AKT3: variants seen among roughly 807,000 people sequenced by gnomAD.
AKT3 encodes the protein AKT serine/threonine kinase 3, also known as RAC-gamma serine/threonine-protein kinase.
A neutral mutation model predicts 65.3 loss-of-function variants in AKT3; 15 were observed. That is an observed-to-expected ratio of 0.23 (90% CI 0.15 to 0.35). The LOEUF (loss-of-function observed/expected upper bound fraction) is 0.35. Among genes scored for constraint, AKT3 ranks in the 10% least tolerant of loss-of-function variants. The pLI is 1.00. For synonymous variants in AKT3, 206 were observed against 183.8 expected (o/e 1.12, Z -0.98); for missense variants, 243 against 576.5 (o/e 0.42, Z 5.92).
intron 2 of AKT3, among the ~76,000 whole-genome samples, chr1:243,809,984 A>AC (rs575844707): frequency 7.2e-5 from 11 of 152,164 alleles, no homozygotes; most frequent in African/African-American, 2.4e-4. Flanking sequence ...TTTGAAACCA[A>AC]GAGAACAAAG....
At chr1:243,607,987 C>T (rs1032715934) in intron 8 of AKT3, among the ~76,000 whole-genome samples, 1 of 152,180 alleles carries the variant, frequency 6.6e-6, no homozygotes, top group Admixed American at 6.5e-5. Flanking sequence ...TTCCTGAGGA[C>T]TCCCCAGCCC....
chr1:243,668,347 TAATAA>T (rs1682939923), intron 3 of AKT3, among the ~76,000 whole-genome samples: 1 of 152,114 alleles, frequency 6.6e-6, no homozygotes. Context: ...AATAGTTTAG[TAATAA>T]AATAAAAGAG....
chr1:243,495,716 A>T (rs1293916486), downstream of AKT3, among the ~76,000 whole-genome samples: 1 of 152,174 alleles, frequency 6.6e-6, no homozygotes. Context: ...GTCCTGCTCG[A>T]AGGCCGCGTT....
chr1:243,624,202 T>C (rs1678980373), intron 6 of AKT3, among the ~76,000 whole-genome samples: 2 of 152,082 alleles, frequency 1.3e-5, no homozygotes, highest in South Asian at 4.1e-4. Context: ...GGGTATACAG[T>C]CACCAATGGC....
At chr1:243,763,882 G>A (rs1354918002) in intron 2 of AKT3, among the ~76,000 whole-genome samples, 1 of 151,890 alleles carries the variant, frequency 6.6e-6, no homozygotes, top group African/African-American at 2.4e-5. Flanking sequence ...TAGTACTTTT[G>A]CTTTAATTTC....
At chr1:243,498,895 C>T (rs931498526), downstream of AKT3, among the ~76,000 whole-genome samples, 2 of 152,238 alleles carry the variant, frequency 1.3e-5, no homozygotes, top group East Asian at 1.9e-4. Flanking sequence ...ATTTATCTGA[C>T]GTAGAAACCG....
chr1:243,553,768 C>A (rs1431400254), intron 10 of AKT3, among the ~76,000 whole-genome samples: 1 of 152,118 alleles, frequency 6.6e-6, no homozygotes, highest in African/African-American at 2.4e-5. Context: ...AACATGGTAA[C>A]CTACCATTTG....
intron 12 of AKT3, among the ~76,000 whole-genome samples, chr1:243,532,521 G>T (rs1342681390): frequency 6.6e-6 from 1 of 152,138 alleles, no homozygotes; most frequent in Non-Finnish European, 1.5e-5. Context: ...TGGTTAAGGT[G>T]TACAATCCTT....
intron 2 of AKT3, among the ~76,000 whole-genome samples, chr1:243,699,011 T>C (rs985848695): frequency 6.6e-6 from 1 of 151,942 alleles, no homozygotes. Flanking sequence ...CACTTTCATC[T>C]CTAGCTCAGA....
intron 6 of AKT3, among the ~76,000 whole-genome samples, chr1:243,624,515 AATAACAAAC>A (rs1488244921): frequency 6.6e-6 from 1 of 152,210 alleles, no homozygotes; most frequent in Non-Finnish European, 1.5e-5. Context: ...AACTGCTTGG[AATAACAAAC>A]TCTTAAATCA....
intron 3 of AKT3, among the ~76,000 whole-genome samples, chr1:243,681,246 C>CAT (rs752529178): frequency 2.0e-5 from 3 of 152,088 alleles, no homozygotes; most frequent in African/African-American, 2.4e-5. Context: ...TATGTATGTA[C>CAT]ATATATATAT....
chr1:243,588,636 G>A (rs1675973776), intron 8 of AKT3, among the ~76,000 whole-genome samples: 1 of 152,132 alleles, frequency 6.6e-6, no homozygotes, highest in Admixed American at 6.5e-5. Flanking sequence ...ATACATAAGG[G>A]AGAAAGAACA....
intron 2 of AKT3, among the ~76,000 whole-genome samples, chr1:243,712,097 G>A (rs775113348): frequency 6.6e-6 from 1 of 152,110 alleles, no homozygotes; most frequent in African/African-American, 2.4e-5. Flanking sequence ...CATACTGCTC[G>A]CCTCCAAACT....
intron 1 of AKT3, among the ~76,000 whole-genome samples, chr1:243,849,097 G>A (rs985281411): frequency 3.3e-5 from 5 of 152,184 alleles, no homozygotes; most frequent in African/African-American, 9.7e-5. Flanking sequence ...CCGCCTCGGC[G>A]TCAGGGTCAA....
chr1:243,663,363 G>T (rs539199526), intron 4 of AKT3, among the ~76,000 whole-genome samples: 1 of 152,048 alleles, frequency 6.6e-6, no homozygotes, highest in Admixed American at 6.6e-5. Context: ...TATGGATTAT[G>T]GGTGGACATA....
intron 2 of AKT3, among the ~76,000 whole-genome samples, chr1:243,730,305 C>T (rs1035816701): frequency 6.6e-6 from 1 of 152,234 alleles, no homozygotes; most frequent in Non-Finnish European, 1.5e-5. Flanking sequence ...CTCCTCTCTG[C>T]TGAGCTGTTC....
chr1:243,590,462 C>T (rs989929984), intron 8 of AKT3, among the ~76,000 whole-genome samples: 2 of 151,560 alleles, frequency 1.3e-5, no homozygotes, highest in Non-Finnish European at 2.9e-5. Flanking sequence ...TCAACGTTTA[C>T]TAAACATGAC....
At chr1:243,812,068 C>T (rs1385960283) in intron 2 of AKT3, among the ~76,000 whole-genome samples, 1 of 152,068 alleles carries the variant, frequency 6.6e-6, no homozygotes, top group African/African-American at 2.4e-5. Context: ...CCATAAAAAC[C>T]CTAGAAGAAA....
intron 2 of AKT3, among the ~76,000 whole-genome samples, chr1:243,806,334 C>A (rs532074131): frequency 6.6e-6 from 1 of 151,674 alleles, no homozygotes; most frequent in African/African-American, 2.4e-5. Flanking sequence ...ACATGATAGG[C>A]ATGTACTTGG....
Sources: allele counts gnomAD v4.1 joint callset (sites outside exome capture counted in the v4.1 genomes callset), GRCh38; gene constraint gnomAD v4.1.1; transcripts MANE v1.5; gene names NCBI Gene and HGNC (gene_info 2026-07-23, HGNC 2026-07-21).